Variants in NTRK3 observed in about 807,000 individuals in gnomAD.
The protein encoded by NTRK3 is NT-3 growth factor receptor.
In NTRK3, 24 loss-of-function variants were observed where a neutral mutation model predicts 91.7. The ratio of observed to expected loss-of-function variants is 0.26; its 90% CI spans 0.19 to 0.37. NTRK3 has a LOEUF of 0.37. Among genes scored for constraint, NTRK3 ranks in the 10% least tolerant of loss-of-function variants. The pLI, the probability that NTRK3 is intolerant of heterozygous loss-of-function variation, is 1.00. For synonymous variants in NTRK3, 483 were observed against 404.0 expected (o/e 1.20, Z -2.34); for missense variants, 880 against 1,068.9 (o/e 0.82, Z 2.46).
chr15:87,864,791 G>A (rs927330739), exon 19 of NTRK3: 3 of 229,360 alleles, frequency 1.3e-5, no homozygotes, highest in East Asian at 1.2e-4. Context: ...TCTCAAAAGC[G>A]GCTCTCAGTC....
intron 3 of NTRK3, among the ~76,000 whole-genome samples, chr15:88,201,991 C>T (rs566438165): frequency 2.0e-5 from 3 of 151,534 alleles, no homozygotes; most frequent in African/African-American, 7.3e-5. Flanking sequence ...TGGTGCCCTT[C>T]CAACAGGTCT....
At chr15:88,133,605 C>A (rs1270688625) in intron 10 of NTRK3, among the ~76,000 whole-genome samples, 4 of 152,214 alleles carry the variant, frequency 2.6e-5, no homozygotes, top group Admixed American at 6.5e-5. Flanking sequence ...GGCAACGTTT[C>A]AGTCTTTTAT....
chr15:88,205,831 G>A (rs904549032), intron 3 of NTRK3: 3 of 152,198 alleles, frequency 2.0e-5, no homozygotes, highest in Admixed American at 1.3e-4. Context: ...TACTGTAGTC[G>A]AACCGGCCCC....
chr15:88,137,458 T>C, exon 7 of NTRK3: 1 of 1,614,208 alleles, frequency 6.2e-7, no homozygotes, highest in Non-Finnish European at 8.5e-7. Context: ...TCAGCGTTGA[T>C]GCAGTAGAGG....
At chr15:87,873,163 G>T in exon 19 of NTRK3, 1 of 231,956 alleles carries the variant, frequency 4.3e-6, no homozygotes, top group East Asian at 6.1e-5. Flanking sequence ...CGCAAAGTAG[G>T]CATCACTAGA....
Position 88,184,134 on chromosome 15 carries a change from T to A in NTRK3, c.323+91A>T, listed in dbSNP as rs144588368. 2.5e-4 allele frequency: 319 copies of A among 1,255,270 alleles called. 1 individual carries two copies. The African/African-American group carries it at 4.4e-3, about 17-fold the overall frequency. The allele number at this position is 1,255,270 out of a possible 1,614,324, so 77.8% of individuals were successfully genotyped here. On this transcript the variant is annotated intron_variant, in intron 4 of 18. Transcript: ENST00000394480. ...GGGGAGAAAGCACGGATGGCAGTCT[T>A]GCTGTGCCCCTCACGCCACCCCAGA...
exon 19 of NTRK3, chr15:87,870,181 TACACACAC>T (rs58874538): frequency 6.8e-4 from 115 of 168,216 alleles, no homozygotes; most frequent in East Asian, 4.6e-3. Flanking sequence ...GAAACTGTGG[TACACACAC>T]ACACACACAC....
rs558110605 is a variant in NTRK3, at chr15:88,243,243, G to A, written c.248+12663C>T. On this transcript the variant is annotated intron_variant, in intron 3 of 18. Transcript: ENST00000394480. This position sits in a 1 kb window ranked among gnomAD's most constrained non-coding sequence, Gnocchi z 4.8. ...GTTATTTCCCTCTCTGTGTCTTATC[G>A]CCACATTTGTTCAAATGACTGCCAC... Among the ~76,000 whole-genome samples, 1 of 152,082 alleles carries A rather than the reference G, an allele frequency of 6.6e-6. No individual in the cohort carries two copies. Among genetic ancestry groups the A allele is most frequent in the South Asian group, 2.1e-4 (1 of 4,800 alleles).
intron 14 of NTRK3, among the ~76,000 whole-genome samples, chr15:87,995,990 T>C (rs577975942): frequency 5.5e-4 from 84 of 152,290 alleles, no homozygotes; most frequent in African/African-American, 1.9e-3. Context: ...ATGCTTGTAA[T>C]CCCAGCACTT....
At chr15:88,072,293 C>T (rs749086965) in intron 13 of NTRK3, 8 of 184,240 alleles carry the variant, frequency 4.3e-5, no homozygotes, top group East Asian at 8.8e-5. Context: ...CATAAGCTAC[C>T]GCGCCTGGCC....
At chr15:88,082,445 T>C (rs1014861882) in intron 13 of NTRK3, among the ~76,000 whole-genome samples, 2 of 152,204 alleles carry the variant, frequency 1.3e-5, no homozygotes, top group African/African-American at 4.8e-5. Flanking sequence ...TGTGTACACC[T>C]GTATCACCAC....
At chr15:87,958,299 C>A (rs1030397891) in intron 14 of NTRK3, among the ~76,000 whole-genome samples, 31 of 152,140 alleles carry the variant, frequency 2.0e-4, no homozygotes, top group Admixed American at 1.6e-3. Flanking sequence ...AGTAAGATAA[C>A]TTCAGCCCAC....
At chr15:88,143,006 G>A (rs1281569735) in intron 6 of NTRK3, among the ~76,000 whole-genome samples, 2 of 152,012 alleles carry the variant, frequency 1.3e-5, no homozygotes, top group Admixed American at 6.6e-5. Flanking sequence ...CTTGAGGCCA[G>A]GAGTTCGAGA....
chr15:88,079,399 C>T (rs1326803279), intron 13 of NTRK3, among the ~76,000 whole-genome samples: 1 of 152,086 alleles, frequency 6.6e-6, no homozygotes. Context: ...CCAGGATGCC[C>T]CTGCTTCCAG....
intron 13 of NTRK3, among the ~76,000 whole-genome samples, chr15:88,076,670 T>C (rs2047568398): frequency 2.4e-5 from 1 of 42,052 alleles, no homozygotes; most frequent in Non-Finnish European, 4.4e-5. Context: ...AGTATACATA[T>C]GTAAAAAAAA....
At chr15:87,887,980 C>A (rs551194440) in intron 17 of NTRK3, among the ~76,000 whole-genome samples, 22 of 152,116 alleles carry the variant, frequency 1.4e-4, no homozygotes, top group Admixed American at 1.2e-3. Context: ...TAAGGCTGAA[C>A]CCTGAAAAAA....
chr15:88,157,699 G>A (rs959909749), intron 5 of NTRK3, among the ~76,000 whole-genome samples: 17 of 152,146 alleles, frequency 1.1e-4, no homozygotes, highest in Admixed American at 4.6e-4. Context: ...GAGGGACGCC[G>A]AGACTGTGAG....
intron 14 of NTRK3, among the ~76,000 whole-genome samples, chr15:87,993,538 TA>T (rs2075443810): frequency 6.6e-6 from 1 of 152,146 alleles, no homozygotes. Context: ...GGGTCCTTTT[TA>T]ATTTGATGGA....
chr15:88,133,640 G>T (rs1413762130), intron 10 of NTRK3, among the ~76,000 whole-genome samples: 1 of 152,212 alleles, frequency 6.6e-6, no homozygotes, highest in Admixed American at 6.5e-5. Context: ...GCCTGCCCTT[G>T]TAGACCATAA....
Sources: gnomAD v4.1 joint callset for allele counts (sites outside exome capture counted in the v4.1 genomes callset) on GRCh38, gnomAD v4.1.1 for gene constraint, Gnocchi (gnomAD v3.1) non-coding constraint, MANE v1.5 for transcripts, NCBI Gene and HGNC (gene_info 2026-07-23, HGNC 2026-07-21) for gene names.